The following GLG1 variants were observed in gnomAD, a reference collection of about 807,000 sequenced individuals.
GLG1 encodes the protein golgi glycoprotein 1.
In GLG1, 38 loss-of-function variants were observed where a neutral mutation model predicts 160.5. The observed-to-expected ratio is 0.24, with a 90% CI of 0.18 to 0.31. The LOEUF is 0.31. Ranked by LOEUF, GLG1 falls within the 10% of genes least tolerant of loss-of-function variation. GLG1 has a pLI of 1.00. For synonymous variants in GLG1, 644 were observed against 543.4 expected (o/e 1.19, Z -2.57); for missense variants, 1,373 against 1,505.2 (o/e 0.91, Z 1.45).
chr16:74,503,563 G>A lies in GLG1; in HGVS notation c.742C>T (p.Leu248=). 6.2e-7 allele frequency: 1 copy of A among 1,613,054 alleles called. No homozygotes were observed. The highest frequency in any genetic ancestry group is 8.5e-7 in the Non-Finnish European group (1 of 1,179,150). The part of the protein sequence containing the change: ...MDDCKNDINI[L]KCGSIRLGEK... ...CCAAGCCGAATACTGCCACATTTCA[G>A]AATGTTGATGTCATTTTTGCAGTCA... Residue 248 remains leucine, a synonymous_variant, in exon 4 of 26, where the codon CTG becomes TTG. Transcript: ENST00000422840.
chr16:74,514,137 A>T (rs1186190308), intron 2 of GLG1, among the ~76,000 whole-genome samples: 2 of 152,232 alleles, frequency 1.3e-5, no homozygotes, highest in Non-Finnish European at 2.9e-5. Context: ...ATATGGCACT[A>T]TGTGAAAAGA....
chr16:74,601,435 A>AG (rs1174579090), intron 1 of GLG1, among the ~76,000 whole-genome samples: 1 of 151,924 alleles, frequency 6.6e-6, no homozygotes, highest in Non-Finnish European at 1.5e-5. Context: ...AAAAAAAAAA[A>AG]AAGTATACCC....
At chr16:74,493,755 G>A (rs1166214558) in intron 6 of GLG1, among the ~76,000 whole-genome samples, 3 of 152,164 alleles carry the variant, frequency 2.0e-5, no homozygotes, top group African/African-American at 4.8e-5. Flanking sequence ...TGATATAGCT[G>A]CTGAAAAATT....
intron 13 of GLG1, among the ~76,000 whole-genome samples, chr16:74,473,888 G>A (rs191607260): frequency 6.6e-6 from 1 of 152,286 alleles, no homozygotes; most frequent in East Asian, 1.9e-4. Context: ...AAAAGAGCGA[G>A]GGATGAGAGA....
chr16:74,551,355 T>G (rs1312401955), intron 1 of GLG1, among the ~76,000 whole-genome samples: 1 of 152,022 alleles, frequency 6.6e-6, no homozygotes, highest in Non-Finnish European at 1.5e-5. Flanking sequence ...AGTGCAGTGG[T>G]GTGATTTCGG....
chr16:74,524,104 G>C (rs957227263), intron 2 of GLG1, among the ~76,000 whole-genome samples: 1 of 152,098 alleles, frequency 6.6e-6, no homozygotes, highest in African/African-American at 2.4e-5. Context: ...CAGCACTCAG[G>C]TGGCTGAGGC....
At chr16:74,601,621 T>C (rs1315941896) in intron 1 of GLG1, among the ~76,000 whole-genome samples, 2 of 152,098 alleles carry the variant, frequency 1.3e-5, no homozygotes, top group African/African-American at 4.8e-5. Flanking sequence ...AAATCCTGCT[T>C]AAGGTGAGTT....
At chr16:74,549,590 T>G (rs2018143224) in intron 1 of GLG1, among the ~76,000 whole-genome samples, 1 of 152,200 alleles carries the variant, frequency 6.6e-6, no homozygotes, top group East Asian at 1.9e-4. Context: ...CTGGCCAGTC[T>G]TCTCCATCTT....
rs552600312 is a variant in GLG1 at position 74,592,180 on chromosome 16, T to C, written c.438+14477A>G. 3.9e-5 allele frequency among the ~76,000 whole-genome samples: 6 copies of C among 152,278 alleles called. No homozygotes were observed. In the East Asian group the frequency reaches 1.2e-3, roughly 29 times the overall value. On this transcript the variant is annotated intron_variant, in intron 1 of 25. Transcript: ENST00000422840. ...TTGATTGAGATGGAGTCTTGCTCTG[T>C]CATCCAGGTTGGAGTGCAATAGAGC...
At chr16:74,531,183 G>A (rs1435875395) in intron 2 of GLG1, among the ~76,000 whole-genome samples, 1 of 152,052 alleles carries the variant, frequency 6.6e-6, no homozygotes, top group Non-Finnish European at 1.5e-5. Flanking sequence ...TTTCGTAAGA[G>A]TAAGTAGTTA....
At chr16:74,474,709 G>A (rs2015335857) in intron 12 of GLG1, 77 bp from the exon 13 acceptor site, 1 of 784,648 alleles carries the variant, frequency 1.3e-6, no homozygotes, top group Non-Finnish European at 2.3e-6. Flanking sequence ...TCAGCGTCAT[G>A]ACACTTCCCT....
intron 1 of GLG1, among the ~76,000 whole-genome samples, chr16:74,572,403 C>T (rs1414033875): frequency 1.3e-5 from 2 of 151,764 alleles, no homozygotes; most frequent in South Asian, 2.1e-4. Flanking sequence ...CCCAGCTACT[C>T]GCAAGGCTGA....
chr16:74,590,795 C>T (rs1254616219), intron 1 of GLG1, among the ~76,000 whole-genome samples: 1 of 68,976 alleles, frequency 1.4e-5, no homozygotes, highest in Non-Finnish European at 2.6e-5. Flanking sequence ...GAAACTGTCT[C>T]AAAAAAAAAA....
intron 1 of GLG1, among the ~76,000 whole-genome samples, chr16:74,595,194 AAAT>A (rs961731796): frequency 4.9e-5 from 7 of 142,552 alleles, no homozygotes; most frequent in Non-Finnish European, 9.3e-5. Flanking sequence ...TCTCAAAAAA[AAAT>A]AATAATAATT....
chr16:74,475,070 T>C (rs1339088941), intron 12 of GLG1, among the ~76,000 whole-genome samples: 2 of 147,720 alleles, frequency 1.4e-5, no homozygotes, highest in African/African-American at 2.5e-5. Flanking sequence ...GGCAGGAGAA[T>C]TGCTTGAACC....
Position 74,494,838 on chromosome 16 carries a change from G to T in GLG1, c.979-7C>A. ...TGCCCTCACCAGCTTGTGTCTATAA[G>T]ATGGAACATACACATTATTATTACT... On this transcript the variant is annotated splice_region_variant and splice_polypyrimidine_tract_variant and intron_variant, in intron 5 of 25. Coordinates refer to ENST00000422840, the MANE Select transcript of GLG1 (RefSeq NM_001145667.2). 1 of 1,365,068 alleles carries T rather than the reference G, an allele frequency of 7.3e-7. No homozygotes were observed. Among genetic ancestry groups the T allele is most frequent in the Non-Finnish European group, 1.0e-6 (1 of 953,304 alleles). The allele number at this position is 1,365,068 out of a possible 1,614,324, so 84.6% of individuals were successfully genotyped here. A position where few individuals can be genotyped will look rare whatever the true frequency, so the allele number is the denominator to read the frequency against.
chr16:74,606,134 C>T (rs1597393271), intron 1 of GLG1, among the ~76,000 whole-genome samples: 1 of 152,192 alleles, frequency 6.6e-6, no homozygotes, highest in Non-Finnish European at 1.5e-5. Context: ...GGGTTCAATA[C>T]AACTGACCAA....
chr16:74,495,849 A>G (rs1031488632), intron 5 of GLG1, among the ~76,000 whole-genome samples: 2 of 152,232 alleles, frequency 1.3e-5, no homozygotes, highest in Admixed American at 1.3e-4. Context: ...CCAAATGTTC[A>G]GTCATCAAGG....
intron 9 of GLG1, among the ~76,000 whole-genome samples, chr16:74,483,804 CCCA>C (rs1178157595): frequency 6.6e-6 from 1 of 151,800 alleles, no homozygotes; most frequent in African/African-American, 2.4e-5. Context: ...ACTACAGGCA[CCCA>C]CCACCACGCC....
Sources: gnomAD v4.1 joint callset for allele counts (sites outside exome capture counted in the v4.1 genomes callset) on GRCh38, gnomAD v4.1.1 for gene constraint, MANE v1.5 for transcripts, NCBI Gene and HGNC (gene_info 2026-07-23, HGNC 2026-07-21) for gene names.